Variants in GULP1 observed in about 807,000 individuals in gnomAD.
The protein encoded by GULP1 is PTB domain-containing engulfment adapter protein 1.
In GULP1, 19 loss-of-function variants were observed where a neutral mutation model predicts 40.9. The ratio of observed to expected loss-of-function variants is 0.46; its 90% CI spans 0.32 to 0.68. The LOEUF is 0.68. GULP1 is among the 30% of genes least tolerant of loss of function. GULP1 has a pLI of 0.03. For synonymous variants in GULP1, 119 were observed against 117.6 expected (o/e 1.01, Z -0.08); for missense variants, 312 against 362.2 (o/e 0.86, Z 1.12).
intron 1 of GULP1, among the ~76,000 whole-genome samples, chr2:188,307,779 A>G (rs1343019185): frequency 6.6e-6 from 1 of 152,160 alleles, no homozygotes; most frequent in Non-Finnish European, 1.5e-5. Context: ...ATAGCCATTG[A>G]TTTAGGTGTA....
intron 2 of GULP1, among the ~76,000 whole-genome samples, chr2:188,456,941 T>C (rs528805525): frequency 6.6e-6 from 1 of 152,216 alleles, no homozygotes; most frequent in East Asian, 1.9e-4. Context: ...ACAGATCATT[T>C]TGGAGGTTTA....
chr2:188,405,391 G>A (rs1175052690), intron 2 of GULP1, among the ~76,000 whole-genome samples: 1 of 151,966 alleles, frequency 6.6e-6, no homozygotes, highest in African/African-American at 2.4e-5. Flanking sequence ...TAGATTCAGG[G>A]TCCACACCTG....
Position 188,577,399 on chromosome 2 carries a change from A to G in GULP1, c.610-6866A>G, listed in dbSNP as rs78943328. ...TGTGAAAGGTCTTAATTACACAACA[A>G]GCTGAATGTGAATCTTTAAACAAAG... On this transcript the variant is annotated intron_variant, in intron 9 of 11. Coordinates refer to ENST00000409830, the MANE Select transcript of GULP1 (RefSeq NM_016315.4). Among the ~76,000 whole-genome samples the G allele has an allele frequency of 0.014, 2,194 of 152,208 alleles. 103 individuals are homozygous for G. In the East Asian group the frequency reaches 0.16, roughly 11 times the overall value.
intron 7 of GULP1, among the ~76,000 whole-genome samples, chr2:188,562,861 C>G (rs780972416): frequency 2.0e-5 from 3 of 152,094 alleles, no homozygotes; most frequent in South Asian, 2.1e-4. Context: ...ATATATGGAA[C>G]TAAATATTTG....
chr2:188,454,884 G>A (rs991460282), intron 2 of GULP1, among the ~76,000 whole-genome samples: 2 of 152,122 alleles, frequency 1.3e-5, no homozygotes, highest in Non-Finnish European at 2.9e-5. Flanking sequence ...AGCGCTTTGG[G>A]AGGCGGACAT....
intron 1 of GULP1, among the ~76,000 whole-genome samples, chr2:188,378,164 GT>G (rs1403922771): frequency 6.6e-6 from 1 of 151,666 alleles, no homozygotes; most frequent in East Asian, 1.9e-4. Context: ...GGCATATCCT[GT>G]CAAGGCAACA....
chr2:188,399,396 G>C (rs1243540138), intron 2 of GULP1, among the ~76,000 whole-genome samples: 1 of 152,018 alleles, frequency 6.6e-6, no homozygotes, highest in Non-Finnish European at 1.5e-5. Flanking sequence ...CCCCTGCCAG[G>C]AACCACGGCA....
At chr2:188,431,413 T>C (rs1308350751) in intron 2 of GULP1, among the ~76,000 whole-genome samples, 1 of 152,104 alleles carries the variant, frequency 6.6e-6, no homozygotes, top group Admixed American at 6.5e-5. Flanking sequence ...GGGTGGACAG[T>C]TGAAAGCAGC....
chr2:188,435,007 A>G (rs540456849), intron 2 of GULP1, among the ~76,000 whole-genome samples: 14 of 152,094 alleles, frequency 9.2e-5, no homozygotes, highest in Admixed American at 8.5e-4. Context: ...GTGGCTTACA[A>G]TATCTTTTCT....
chr2:188,364,246 T>G (rs898813582), intron 1 of GULP1, among the ~76,000 whole-genome samples: 10 of 152,028 alleles, frequency 6.6e-5, no homozygotes, highest in African/African-American at 2.4e-4. Flanking sequence ...TGTGGGTGTT[T>G]GCATTTCTGT....
At chr2:188,455,455 T>C (rs2059181904) in intron 2 of GULP1, among the ~76,000 whole-genome samples, 1 of 152,132 alleles carries the variant, frequency 6.6e-6, no homozygotes, top group Non-Finnish European at 1.5e-5. Flanking sequence ...ACTGGAGATC[T>C]GATGGGTTTA....
chr2:188,324,914 AT>A (rs745735534), intron 1 of GULP1, among the ~76,000 whole-genome samples: 43 of 152,172 alleles, frequency 2.8e-4, no homozygotes, highest in Middle Eastern at 3.4e-3. Context: ...GTCAGAAGAC[AT>A]TGGTATAATG....
At chr2:188,443,930 T>A (rs901237551) in intron 2 of GULP1, among the ~76,000 whole-genome samples, 2 of 152,178 alleles carry the variant, frequency 1.3e-5, no homozygotes, top group Non-Finnish European at 2.9e-5. Flanking sequence ...TTGTTTTTCT[T>A]CAGAAAGGGA....
In GULP1 at chr2:188,471,898, T is replaced by C. The variant is rs1397424432; in HGVS notation, c.-44-5761T>C. 5.3e-5 allele frequency among the ~76,000 whole-genome samples: 8 copies of C among 152,332 alleles called. No homozygotes were observed. The East Asian group carries it at 1.3e-3, about 26-fold the overall frequency. On this transcript the variant is annotated intron_variant, in intron 2 of 11. Transcript: ENST00000409830. Reference sequence around the variant, plus strand: ...TTTGGTGTTGCTTATTCCTCATTAATGTTCTTTTCTTTCTGACTAAAGTAC... The same window carrying C: ...TTTGGTGTTGCTTATTCCTCATTAACGTTCTTTTCTTTCTGACTAAAGTAC...
intron 1 of GULP1, among the ~76,000 whole-genome samples, chr2:188,313,303 G>A (rs1377376369): frequency 6.6e-6 from 1 of 152,138 alleles, no homozygotes; most frequent in Non-Finnish European, 1.5e-5. Flanking sequence ...TGCATCAGGT[G>A]TAAGGAAGGG....
chr2:188,542,915 A>G (rs1398968435), intron 7 of GULP1, among the ~76,000 whole-genome samples: 1 of 152,148 alleles, frequency 6.6e-6, no homozygotes, highest in East Asian at 1.9e-4. Flanking sequence ...TGCCTTACCC[A>G]TAGAAATAAA....
intron 1 of GULP1, among the ~76,000 whole-genome samples, chr2:188,368,001 G>A (rs888101443): frequency 6.6e-6 from 1 of 151,904 alleles, no homozygotes. Flanking sequence ...TTTCTTTTGT[G>A]TCTCCTTTAT....
intron 2 of GULP1, among the ~76,000 whole-genome samples, chr2:188,412,465 G>T (rs2054026306): frequency 6.6e-6 from 1 of 152,032 alleles, no homozygotes; most frequent in African/African-American, 2.4e-5. Flanking sequence ...CAAAGTAGCT[G>T]GTGGCAATCT....
At chr2:188,387,491 T>C (rs1234087089) in intron 2 of GULP1, among the ~76,000 whole-genome samples, 1 of 152,190 alleles carries the variant, frequency 6.6e-6, no homozygotes, top group Non-Finnish European at 1.5e-5. Context: ...TTTTGGTTTC[T>C]TATGTTTAAG....
Sources: allele counts gnomAD v4.1 joint callset (sites outside exome capture counted in the v4.1 genomes callset), GRCh38; gene constraint gnomAD v4.1.1; transcripts MANE v1.5; gene names NCBI Gene and HGNC (gene_info 2026-07-23, HGNC 2026-07-21).